GLG1: variants seen among roughly 807,000 people sequenced by gnomAD.
GLG1 encodes the protein golgi glycoprotein 1, also known as Golgi apparatus protein 1.
Under a neutral mutation model 160.5 loss-of-function variants are expected in GLG1, and 38 were observed. That is an observed-to-expected ratio of 0.24 (90% CI 0.18 to 0.31). The LOEUF (loss-of-function observed/expected upper bound fraction) is 0.31. Among genes scored for constraint, GLG1 ranks in the 10% least tolerant of loss-of-function variants. The pLI, the probability that GLG1 is intolerant of heterozygous loss-of-function variation, is 1.00. For missense variants in GLG1, 1,373 were observed against 1,505.2 expected, an observed-to-expected ratio of 0.91 and a Z score of 1.45; for synonymous variants, 644 against 543.4, an observed-to-expected ratio of 1.19 and a Z score of -2.57.
chr16:74,596,291 G>A (rs1351871786), intron 1 of GLG1, among the ~76,000 whole-genome samples: 2 of 151,844 alleles, frequency 1.3e-5, no homozygotes, highest in Admixed American at 6.6e-5. Flanking sequence ...CACTTTGGGG[G>A]GCTAAGGCAG....
chr16:74,596,578 A>G (rs2143889864), intron 1 of GLG1, among the ~76,000 whole-genome samples: 1 of 152,370 alleles, frequency 6.6e-6, no homozygotes, highest in Middle Eastern at 3.4e-3. Flanking sequence ...AATCTTCAAA[A>G]TCAAATGTGT....
intron 1 of GLG1, among the ~76,000 whole-genome samples, chr16:74,601,939 C>T (rs899441322): frequency 6.6e-6 from 1 of 152,102 alleles, no homozygotes; most frequent in Non-Finnish European, 1.5e-5. Context: ...AGACAACTTA[C>T]TTTAGCTCTT....
At chr16:74,552,934 T>A (rs1227713079) in intron 1 of GLG1, among the ~76,000 whole-genome samples, 1 of 152,076 alleles carries the variant, frequency 6.6e-6, no homozygotes, top group African/African-American at 2.4e-5. Context: ...AAAACTTGTT[T>A]TTGGCCAGGC....
chr16:74,550,917 A>C (rs1288000052), intron 1 of GLG1, among the ~76,000 whole-genome samples: 4 of 152,212 alleles, frequency 2.6e-5, no homozygotes, highest in African/African-American at 9.7e-5. Context: ...TCGAGCCACC[A>C]TTCCAAATTT....
At chr16:74,581,813 G>A (rs1597369748) in intron 1 of GLG1, among the ~76,000 whole-genome samples, 1 of 152,292 alleles carries the variant, frequency 6.6e-6, no homozygotes, top group Admixed American at 6.5e-5. Context: ...TCGGGAGGCT[G>A]AGGCAGGACA....
At chr16:74,470,328 TC>T (rs2015154892) in intron 15 of GLG1, among the ~76,000 whole-genome samples, 1 of 131,600 alleles carries the variant, frequency 7.6e-6, no homozygotes, top group African/African-American at 2.9e-5. Flanking sequence ...TTCCTTCCTT[TC>T]CTTCTTTCCT....
intron 1 of GLG1, among the ~76,000 whole-genome samples, chr16:74,585,020 C>A (rs1338162386): frequency 6.6e-6 from 1 of 152,130 alleles, no homozygotes; most frequent in East Asian, 1.9e-4. Context: ...AGAACTTATT[C>A]ATGTAACCAA....
At position 74,607,061 on chromosome 16, in the gene GLG1, G is replaced by A. The variant is rs201128650; in HGVS notation, c.34C>T (p.Arg12Cys). 79 of 1,585,266 alleles carry A rather than the reference G, an allele frequency of 5.0e-5. No homozygotes were observed. In the African/African-American group the frequency reaches 9.6e-4, roughly 19 times the overall value. The change falls in exon 1 of 26, where the codon CGC becomes TGC. Residue 12 changes from arginine to cysteine, a missense_variant. Arg to Cys is a radical substitution (Grantham distance 180, BLOSUM62 -3). Coordinates refer to ENST00000422840, the MANE Select transcript of GLG1 (RefSeq NM_001145667.2). ...AACGRVRRMF[R>C]LSAALHLLLL... ...AGCAGATGCAGCGCCGCCGACAAGCGGAACATCCTCCGTACACGTCCACAC... is the reference window on the plus strand; with the variant it reads ...AGCAGATGCAGCGCCGCCGACAAGCAGAACATCCTCCGTACACGTCCACAC...
chr16:74,520,597 T>C (rs1028753648), intron 2 of GLG1, among the ~76,000 whole-genome samples: 1 of 151,920 alleles, frequency 6.6e-6, no homozygotes, highest in Non-Finnish European at 1.5e-5. Context: ...GATCACACCA[T>C]TGCACTCCAG....
At chr16:74,566,410 A>C (rs1203941082) in intron 1 of GLG1, among the ~76,000 whole-genome samples, 1 of 152,194 alleles carries the variant, frequency 6.6e-6, no homozygotes, top group Non-Finnish European at 1.5e-5. Flanking sequence ...CATCGTTCCC[A>C]CAGGGAGTAA....
rs576408968 is a variant in GLG1 at position 74,588,665 on chromosome 16, C to T, written c.438+17992G>A. Among the ~76,000 whole-genome samples the T allele has an allele frequency of 1.4e-4, 21 of 152,130 alleles. No individual in the cohort carries two copies. In the South Asian group the frequency reaches 3.7e-3, roughly 27 times the overall value. ...AACTCCTAGGCTCAGGAAATCCACC[C>T]GCCTTAGCCTCCCAAAGTGCTCGGA... On this transcript the variant is annotated intron_variant, in intron 1 of 25. Coordinates refer to ENST00000422840, the MANE Select transcript of GLG1 (RefSeq NM_001145667.2).
chr16:74,564,529 G>C (rs951268206), intron 1 of GLG1, among the ~76,000 whole-genome samples: 1 of 152,176 alleles, frequency 6.6e-6, no homozygotes, highest in Non-Finnish European at 1.5e-5. Flanking sequence ...CAGCAGGAAT[G>C]ATAAACACTC....
chr16:74,526,644 A>G (rs2017343445), intron 2 of GLG1, among the ~76,000 whole-genome samples: 1 of 152,202 alleles, frequency 6.6e-6, no homozygotes, highest in Non-Finnish European at 1.5e-5. Context: ...GGATCACTTG[A>G]GCCTGGGAGA....
chr16:74,479,574 T>C (rs2015525223), intron 11 of GLG1, among the ~76,000 whole-genome samples: 1 of 152,164 alleles, frequency 6.6e-6, no homozygotes, highest in South Asian at 2.1e-4. Context: ...ATAGCCAGGC[T>C]TTTGCATTAA....
chr16:74,553,906 T>C (rs2018279733), intron 1 of GLG1, among the ~76,000 whole-genome samples: 1 of 152,228 alleles, frequency 6.6e-6, no homozygotes, highest in African/African-American at 2.4e-5. Context: ...CATAACTTGG[T>C]AATCAGCTCT....
At chr16:74,600,053 C>CA (rs1013137971) in intron 1 of GLG1, among the ~76,000 whole-genome samples, 18 of 151,282 alleles carry the variant, frequency 1.2e-4, no homozygotes, top group Admixed American at 1.1e-3. Context: ...CAAAACAAAA[C>CA]AAAAAAACAA....
Position 74,584,283 on chromosome 16 carries a change from C to T in GLG1, c.438+22374G>A, listed in dbSNP as rs192082789. Among the ~76,000 whole-genome samples, 29 of 152,282 alleles carry T rather than the reference C, an allele frequency of 1.9e-4. No individual in the cohort carries two copies. In the East Asian group the frequency reaches 3.9e-3, roughly 20 times the overall value. On this transcript the variant is annotated intron_variant, in intron 1 of 25. Transcript: ENST00000422840. Reference sequence around the variant, plus strand: ...CCTTCCCACTAGCCATGCACGGCTTCGAAAAACATTGACTGTTTTCTTTGA... The same window carrying T: ...CCTTCCCACTAGCCATGCACGGCTTTGAAAAACATTGACTGTTTTCTTTGA...
chr16:74,468,914 G>A, intron 17 of GLG1, 32 bp downstream of exon 17: 7 of 1,333,204 alleles, frequency 5.3e-6, no homozygotes, highest in Non-Finnish European at 7.6e-6. Flanking sequence ...GGCCCACTGT[G>A]GTTTCTGGGA....
intron 1 of GLG1, among the ~76,000 whole-genome samples, chr16:74,550,159 G>A (rs1220739754): frequency 6.6e-6 from 1 of 151,898 alleles, no homozygotes; most frequent in Non-Finnish European, 1.5e-5. Flanking sequence ...GTGGACGGGT[G>A]CTAGAACTTA....
Sources: allele counts gnomAD v4.1 joint callset (sites outside exome capture counted in the v4.1 genomes callset), GRCh38; gene constraint gnomAD v4.1.1; transcripts MANE v1.5; gene names NCBI Gene and HGNC (gene_info 2026-07-23, HGNC 2026-07-21).